The following PRKAG2 variants were observed in gnomAD, a reference collection of about 807,000 sequenced individuals.
PRKAG2 encodes protein kinase AMP-activated non-catalytic subunit gamma 2, also known as 5'-AMP-activated protein kinase subunit gamma-2.
PRKAG2 carries 26 observed loss-of-function variants against 69.6 expected under a neutral mutation model. The observed-to-expected ratio is 0.37, with a 90% confidence interval of 0.27 to 0.52. The LOEUF (loss-of-function observed/expected upper bound fraction) is 0.52, where lower values mean the gene tolerates loss of function less well. Among genes scored for constraint, PRKAG2 ranks in the 20% least tolerant of loss-of-function variants. The pLI, the probability that PRKAG2 is intolerant of heterozygous loss-of-function variation, is 0.90. For synonymous variants in PRKAG2, 293 were observed against 285.0 expected (o/e 1.03, Z -0.28); for missense variants, 557 against 740.0 (o/e 0.75, Z 2.87).
At chr7:151,625,370 A>C (rs1227632227) in intron 5 of PRKAG2, among the ~76,000 whole-genome samples, 2 of 152,258 alleles carry the variant, frequency 1.3e-5, no homozygotes, top group African/African-American at 4.8e-5. Flanking sequence ...GCTGGAGGGA[A>C]ATGCAGGGAG....
At chr7:151,773,220 GAAGGAAAGAAAGGA>G (rs1419223262) in intron 3 of PRKAG2, among the ~76,000 whole-genome samples, 1 of 149,588 alleles carries the variant, frequency 6.7e-6, no homozygotes, top group East Asian at 1.9e-4. Context: ...GGAAAGAAAG[GAAGGAAAGAAAGGA>G]AAGGAAAGAA....
chr7:151,558,155 C>G, intron 15 of PRKAG2: 2 of 985,430 alleles, frequency 2.0e-6, no homozygotes, highest in Non-Finnish European at 1.2e-6. Flanking sequence ...TTTGGACAGT[C>G]TAAGTTTGAC....
intron 15 of PRKAG2, chr7:151,558,090 C>T (rs5017428): frequency 0.63 from 621,514 of 984,012 alleles, 200,814 homozygotes; most frequent in East Asian, 0.71. Context: ...GCTGAAACAC[C>T]GTAGCTCCTG....
intron 6 of PRKAG2, among the ~76,000 whole-genome samples, chr7:151,588,466 G>A (rs905190113): frequency 3.3e-5 from 5 of 152,052 alleles, no homozygotes; most frequent in African/African-American, 4.8e-5. Flanking sequence ...GTGTTCAAGC[G>A]ATTCTCCTGC....
intron 4 of PRKAG2, among the ~76,000 whole-genome samples, chr7:151,662,302 A>C (rs1313902807): frequency 6.6e-6 from 1 of 152,190 alleles, no homozygotes; most frequent in Non-Finnish European, 1.5e-5. Flanking sequence ...AATGAAAGAA[A>C]ATGTGCCCCA....
intron 6 of PRKAG2, among the ~76,000 whole-genome samples, chr7:151,589,335 C>T (rs1014012461): frequency 1.3e-5 from 2 of 152,214 alleles, no homozygotes; most frequent in Non-Finnish European, 2.9e-5. Flanking sequence ...ACCCCCTCTC[C>T]TCCACGACAC....
chr7:151,612,380 G>C (rs1819084935), intron 5 of PRKAG2, among the ~76,000 whole-genome samples: 1 of 152,120 alleles, frequency 6.6e-6, no homozygotes, highest in South Asian at 2.1e-4. Flanking sequence ...TTAGGTATAA[G>C]GCTTGTCAAC....
At chr7:151,710,162 T>C (rs1161731724) in intron 3 of PRKAG2, among the ~76,000 whole-genome samples, 1 of 152,098 alleles carries the variant, frequency 6.6e-6, no homozygotes, top group African/African-American at 2.4e-5. Context: ...AGCTGAGGCT[T>C]GGATGCACCA....
Position 151,870,154 on chromosome 7 carries a change from T to TAGATAGATAGGCAGGC in PRKAG2, c.114+6352_114+6353insGCCTGCCTATCTATCT, listed in dbSNP as rs1159760978. On this transcript the variant is annotated intron_variant, in intron 1 of 15. Coordinates refer to ENST00000287878, the MANE Select transcript of PRKAG2 (RefSeq NM_016203.4). ...ATAGATAGATAGATAGATAGATAGATAGGCAGGCAGGCAGGCAGGCAGGCA... is the reference window on the plus strand; with the variant it reads ...ATAGATAGATAGATAGATAGATAGATAGATAGATAGGCAGGCAGGCAGGCAGGCAGGCAGGCAGGCA... Among the ~76,000 whole-genome samples, 217 of 138,398 alleles carry TAGATAGATAGGCAGGC rather than the reference T, an allele frequency of 1.6e-3. 1 individual carries two copies. The highest frequency in any genetic ancestry group is 9.8e-3 in the East Asian group (44 of 4,508). 90.8% of individuals were successfully genotyped at this position (138,398 alleles called of 152,430 possible). A position where few individuals can be genotyped will look rare whatever the true frequency, so the allele number is the denominator to read the frequency against.
chr7:151,821,065 G>GTCCCGGCCAGAA (rs2078767437), intron 1 of PRKAG2, among the ~76,000 whole-genome samples: 7 of 47,554 alleles, frequency 1.5e-4, no homozygotes, highest in South Asian at 9.5e-4. Flanking sequence ...TGTGGAGACA[G>GTCCCGGCCAGAA]GGAACAAGCA....
intron 3 of PRKAG2, among the ~76,000 whole-genome samples, chr7:151,730,759 G>A (rs143373362): frequency 6.6e-6 from 1 of 152,128 alleles, no homozygotes; most frequent in Admixed American, 6.5e-5. Context: ...TCCCCACAGG[G>A]CCATACTCAG....
intron 4 of PRKAG2, among the ~76,000 whole-genome samples, chr7:151,634,435 A>G (rs756784548): frequency 2.0e-5 from 3 of 152,214 alleles, no homozygotes; most frequent in Non-Finnish European, 4.4e-5. Flanking sequence ...CACAGTCCAT[A>G]AAAGGAAAAA....
At chr7:151,735,055 C>T (rs1465294439) in intron 3 of PRKAG2, among the ~76,000 whole-genome samples, 4 of 151,876 alleles carry the variant, frequency 2.6e-5, no homozygotes, top group African/African-American at 9.7e-5. Flanking sequence ...AGGGTTTCAC[C>T]ATGTTGGCCA....
intron 3 of PRKAG2, among the ~76,000 whole-genome samples, chr7:151,693,903 G>A (rs374531395): frequency 1.1e-4 from 17 of 152,216 alleles, no homozygotes; most frequent in Admixed American, 3.9e-4. Flanking sequence ...ACGGAGTCTC[G>A]CACTGTTGCC....
rs1339604578 is a variant in PRKAG2, at chr7:151,688,046, C to CCCCCCA, written c.467-12410_467-12409insTGGGGG. On this transcript the variant is annotated intron_variant, in intron 3 of 15. Transcript: ENST00000287878. ...GGAGGAGGAGGAGGAAATGAGGCCC[C>CCCCCCA]CCCCCGGGCTCCTTGCTGAGTCAGC... Among the ~76,000 whole-genome samples the CCCCCCA allele has an allele frequency of 7.0e-5, 10 of 142,624 alleles. 1 individual carries two copies. The highest frequency in any genetic ancestry group is 2.3e-4 in the South Asian group (1 of 4,328). The allele number at this position is 142,624 out of a possible 152,430, so 93.6% of individuals were successfully genotyped here. A position where few individuals can be genotyped will look rare whatever the true frequency, so the allele number is the denominator to read the frequency against.
At chr7:151,577,205 GA>G (rs954122805) in intron 6 of PRKAG2, among the ~76,000 whole-genome samples, 24 of 149,656 alleles carry the variant, frequency 1.6e-4, no homozygotes, top group African/African-American at 3.9e-4. Context: ...CAAGGTTGAG[GA>G]AAAAAAAAGG....
At chr7:151,626,663 C>T (rs1047768341) in intron 5 of PRKAG2, among the ~76,000 whole-genome samples, 15 of 152,096 alleles carry the variant, frequency 9.9e-5, no homozygotes, top group Non-Finnish European at 8.8e-5. Context: ...TGCAAGTTGA[C>T]GCTTGGCTGT....
intron 3 of PRKAG2, 112 bp from the exon 4 acceptor site, chr7:151,675,749 G>A: frequency 9.2e-7 from 1 of 1,092,220 alleles, no homozygotes; most frequent in South Asian, 1.3e-5. Context: ...CAGAGGTCCG[G>A]CCTCCAGGAA....
chr7:151,730,510 C>A (rs1318880084), intron 3 of PRKAG2, among the ~76,000 whole-genome samples: 3 of 152,094 alleles, frequency 2.0e-5, no homozygotes, highest in Non-Finnish European at 4.4e-5. Context: ...TTTTTAAAAA[C>A]AAATTTAAAA....
Sources: allele counts gnomAD v4.1 joint callset (sites outside exome capture counted in the v4.1 genomes callset), GRCh38; gene constraint gnomAD v4.1.1; transcripts MANE v1.5; gene names NCBI Gene and HGNC (gene_info 2026-07-23, HGNC 2026-07-21).